CAPZA1: variants seen among roughly 807,000 people sequenced by gnomAD.
The protein encoded by CAPZA1 is capping actin protein of muscle Z-line subunit alpha 1.
CAPZA1 carries 10 observed loss-of-function variants against 40.8 expected under a neutral mutation model. The observed-to-expected ratio is 0.25, with a 90% confidence interval of 0.15 to 0.42. CAPZA1 has a LOEUF of 0.42. CAPZA1 is among the 10% of genes least tolerant of loss of function. The probability of loss-of-function intolerance (pLI) is 1.00; values close to 1 mark genes in which losing one functional copy is unlikely to be tolerated. For missense variants in CAPZA1, 277 were observed against 353.8 expected, an observed-to-expected ratio of 0.78 and a Z score of 1.74; for synonymous variants, 98 against 115.0, an observed-to-expected ratio of 0.85 and a Z score of 0.95.
chr1:112,628,967 C>T (rs12046208), intron 1 of CAPZA1, among the ~76,000 whole-genome samples: 65,743 of 152,024 alleles, frequency 0.43, 14,715 homozygotes, highest in South Asian at 0.62. Context: ...TATTAAAATA[C>T]TATTTTTTAT....
chr1:112,652,733 T>C (rs924252317), intron 3 of CAPZA1, among the ~76,000 whole-genome samples: 1 of 152,196 alleles, frequency 6.6e-6, no homozygotes, highest in African/African-American at 2.4e-5. Flanking sequence ...AGGTTAAAAT[T>C]GGGAATTCTG....
At chr1:112,621,671 CTT>C (rs1670669365) in intron 1 of CAPZA1, among the ~76,000 whole-genome samples, 1 of 151,488 alleles carries the variant, frequency 6.6e-6, no homozygotes, top group Admixed American at 6.6e-5. Flanking sequence ...TTTAATTAAA[CTT>C]GGGAAAATAT....
chr1:112,667,562 C>G (rs1318095009), intron 8 of CAPZA1, among the ~76,000 whole-genome samples: 2 of 152,144 alleles, frequency 1.3e-5, no homozygotes, highest in Non-Finnish European at 2.9e-5. Context: ...CAGGAATTCA[C>G]TCTGTTGCCT....
intron 9 of CAPZA1, 133 bp from the exon 10 acceptor site, chr1:112,669,859 C>T: frequency 1.0e-6 from 1 of 966,838 alleles, no homozygotes; most frequent in Admixed American, 2.3e-5. Flanking sequence ...TGGAGAGGAG[C>T]TCATTGAAAA....
chr1:112,646,044 C>T (rs2101161299), intron 1 of CAPZA1, among the ~76,000 whole-genome samples: 1 of 151,866 alleles, frequency 6.6e-6, no homozygotes, highest in South Asian at 2.1e-4. Flanking sequence ...TTTCCCCAGA[C>T]AAATCATAAA....
chr1:112,654,356 G>A, intron 4 of CAPZA1, 109 bp from the exon 5 acceptor site: 3 of 658,774 alleles, frequency 4.6e-6, no homozygotes, highest in Non-Finnish European at 7.9e-6. Flanking sequence ...AAAGAAATCT[G>A]ACTAAATGAA....
chr1:112,670,392 G>A lies in CAPZA1; in HGVS notation c.*260G>A. 3.9e-6 allele frequency: 1 copy of A among 258,574 alleles called. No individual in the cohort carries two copies. Among genetic ancestry groups the A allele is most frequent in the Non-Finnish European group, 6.5e-6 (1 of 153,272 alleles). 16.0% of individuals were successfully genotyped at this position (258,574 alleles called of 1,614,324 possible). A position where few individuals can be genotyped will look rare whatever the true frequency, so the allele number is the denominator to read the frequency against. On this transcript the variant is annotated 3_prime_UTR_variant, in exon 10 of 10. Coordinates refer to ENST00000263168, the MANE Select transcript of CAPZA1 (RefSeq NM_006135.3). Reference sequence around the variant, plus strand: ...TTTTTTTTTTTTTTTGGTTAATTCTGCCACATTTAATGTTGGTGAGAGAGT... The same window carrying A: ...TTTTTTTTTTTTTTTGGTTAATTCTACCACATTTAATGTTGGTGAGAGAGT...
At chr1:112,646,843 T>A (rs537649781) in intron 1 of CAPZA1, 2 of 155,198 alleles carry the variant, frequency 1.3e-5, no homozygotes, top group African/African-American at 4.8e-5. Context: ...ATTGGGAGAA[T>A]TGGTATTGGT....
chr1:112,637,290 A>G (rs1183638629), intron 1 of CAPZA1, among the ~76,000 whole-genome samples: 3 of 152,274 alleles, frequency 2.0e-5, no homozygotes, highest in African/African-American at 7.2e-5. Context: ...TATAAACAAT[A>G]AAATAGTATT....
At chr1:112,665,653 G>A (rs144898889) in intron 7 of CAPZA1, among the ~76,000 whole-genome samples, 4 of 152,182 alleles carry the variant, frequency 2.6e-5, no homozygotes, top group South Asian at 2.1e-4. Flanking sequence ...GCATTCTCAC[G>A]TGACAGAAGG....
At chr1:112,637,525 G>A (rs1671044548) in intron 1 of CAPZA1, among the ~76,000 whole-genome samples, 2 of 152,166 alleles carry the variant, frequency 1.3e-5, no homozygotes, top group African/African-American at 4.8e-5. Flanking sequence ...ATAGCTCACT[G>A]CAGCCTTGAC....
intron 5 of CAPZA1, among the ~76,000 whole-genome samples, chr1:112,658,066 G>A (rs978859621): frequency 5.9e-5 from 9 of 152,192 alleles, no homozygotes; most frequent in African/African-American, 1.9e-4. Flanking sequence ...CCTTAGGCAA[G>A]AAGCTTTGTG....
chr1:112,652,525 T>C (rs1671413327), intron 3 of CAPZA1, among the ~76,000 whole-genome samples: 1 of 151,700 alleles, frequency 6.6e-6, no homozygotes, highest in African/African-American at 2.4e-5. Context: ...AGTTTAAATG[T>C]TTGTTACTTT....
At chr1:112,641,247 G>GA (rs200438877) in intron 1 of CAPZA1, among the ~76,000 whole-genome samples, 4 of 149,444 alleles carry the variant, frequency 2.7e-5, no homozygotes, top group Non-Finnish European at 3.0e-5. Flanking sequence ...ATAAATAATT[G>GA]AAAAAAAAAA....
chr1:112,658,948 T>C (rs1436871966), intron 5 of CAPZA1, 74 bp from the exon 6 acceptor site: 11 of 1,096,408 alleles, frequency 1.0e-5, no homozygotes, highest in Non-Finnish European at 1.4e-5. Flanking sequence ...TTTAACACTC[T>C]GCTTTTGTAC....
At chr1:112,649,387 C>T in intron 2 of CAPZA1, 31 bp from the exon 3 acceptor site, 1 of 1,556,554 alleles carries the variant, frequency 6.4e-7, no homozygotes, top group East Asian at 2.2e-5. Context: ...ATTTATCCTC[C>T]ACTGAACATT....
At chr1:112,625,471 A>G (rs1375050417) in intron 1 of CAPZA1, among the ~76,000 whole-genome samples, 1 of 152,228 alleles carries the variant, frequency 6.6e-6, no homozygotes, top group Non-Finnish European at 1.5e-5. Context: ...AAGAGTGGCA[A>G]ATGCTACTGA....
chr1:112,633,121 C>T (rs1670953129), intron 1 of CAPZA1, among the ~76,000 whole-genome samples: 1 of 152,160 alleles, frequency 6.6e-6, no homozygotes, highest in Admixed American at 6.5e-5. Context: ...GTACTGTATA[C>T]ATTATTACTA....
intron 3 of CAPZA1, among the ~76,000 whole-genome samples, chr1:112,652,317 A>G (rs1429579875): frequency 6.6e-6 from 1 of 151,802 alleles, no homozygotes; most frequent in Non-Finnish European, 1.5e-5. Flanking sequence ...CCCAGTCTCT[A>G]CTAAATATAC....
Sources: allele counts gnomAD v4.1 joint callset (sites outside exome capture counted in the v4.1 genomes callset), GRCh38; gene constraint gnomAD v4.1.1; transcripts MANE v1.5; gene names NCBI Gene and HGNC (gene_info 2026-07-23, HGNC 2026-07-21).